The following PIEZO2 variants were observed in gnomAD, a reference collection of about 807,000 sequenced individuals.
The protein encoded by PIEZO2 is piezo type mechanosensitive ion channel component 2.
Under a neutral mutation model 337.3 loss-of-function variants are expected in PIEZO2, and 172 were observed. The observed-to-expected ratio is 0.51, with a 90% CI of 0.45 to 0.58. The LOEUF (loss-of-function observed/expected upper bound fraction) is 0.58. Ranked by LOEUF, PIEZO2 falls within the 20% of genes least tolerant of loss-of-function variation. PIEZO2 has a pLI of 0.00. For missense variants in PIEZO2, 3,028 were observed against 3,391.3 expected, an observed-to-expected ratio of 0.89 and a Z score of 2.66; for synonymous variants, 1,251 against 1,228.5, an observed-to-expected ratio of 1.02 and a Z score of -0.38.
In PIEZO2 at chr18:11,096,181, G is replaced by T. The variant is rs955587567; in HGVS notation, c.65-29959C>A. Among the ~76,000 whole-genome samples, 2 of 152,222 alleles carry T rather than the reference G, an allele frequency of 1.3e-5. No homozygotes were observed. Among genetic ancestry groups the T allele is most frequent in the Non-Finnish European group, 2.9e-5 (2 of 68,026 alleles). ...GCTGAGACACCGCCAGCCTGGCTGT[G>T]GGGTGTGGCCACCTAGAGCCCTGGG... On this transcript the variant is annotated intron_variant, in intron 1 of 55. Transcript: ENST00000674853. The surrounding 1 kb of genome is among the most constrained non-coding windows in gnomAD (Gnocchi z 4.6).
chr18:10,959,104 A>G (rs1397991270), intron 3 of PIEZO2, among the ~76,000 whole-genome samples: 1 of 152,196 alleles, frequency 6.6e-6, no homozygotes, highest in Non-Finnish European at 1.5e-5. Context: ...ATTCAGTCTT[A>G]CAACTGAAAT....
Position 10,871,280 on chromosome 18 carries a change from ACT to A in PIEZO2, c.463_464del (p.Ser155Ter). ...QKPVTDEAAQ[S>X]NPEFENEELA... The stretch of plus-strand genomic sequence containing the variant: ...ATTCTTCATTTTCAAACTCCGGGTT[ACT>A]CTGTGCTGCTTCGTCTGTCACAGGT... On this transcript the variant is annotated frameshift_variant, in exon 5 of 56. Coordinates refer to ENST00000674853, the MANE Select transcript of PIEZO2 (RefSeq NM_001378183.1). LOFTEE classifies it high-confidence loss of function. The A allele has an allele frequency of 6.5e-7, 1 of 1,537,038 alleles. No individual in the cohort carries two copies. Among genetic ancestry groups the A allele is most frequent in the Non-Finnish European group, 8.7e-7 (1 of 1,146,816 alleles).
At chr18:11,026,474 T>A (rs1478920729) in intron 2 of PIEZO2, among the ~76,000 whole-genome samples, 1 of 152,124 alleles carries the variant, frequency 6.6e-6, no homozygotes, top group Non-Finnish European at 1.5e-5. Context: ...CCTCTTCTCA[T>A]CCACGTCTCC....
chr18:10,912,209 T>C (rs1274956642), intron 3 of PIEZO2, among the ~76,000 whole-genome samples: 2 of 152,170 alleles, frequency 1.3e-5, no homozygotes, highest in South Asian at 2.1e-4. Context: ...TTCTTCCCTA[T>C]GTCACAGGCA....
intron 4 of PIEZO2, among the ~76,000 whole-genome samples, chr18:10,887,337 G>A (rs2042636755): frequency 6.6e-6 from 1 of 151,590 alleles, no homozygotes; most frequent in Admixed American, 6.6e-5. Context: ...CCAAAGTTCT[G>A]GGATTACAGG....
Position 10,828,064 on chromosome 18 carries a change from C to G in PIEZO2, c.918-20790G>C, listed in dbSNP as rs1275292358. On this transcript the variant is annotated intron_variant, in intron 7 of 55. Coordinates refer to ENST00000674853, the MANE Select transcript of PIEZO2 (RefSeq NM_001378183.1). This position sits in a 1 kb window ranked among gnomAD's most constrained non-coding sequence, Gnocchi z 4.1. Reference sequence around the variant, plus strand: ...ATAAACATATAAACTATTGCAACCCCAAGGCAAACTTAGCATTCAATAAAC... The same window carrying G: ...ATAAACATATAAACTATTGCAACCCGAAGGCAAACTTAGCATTCAATAAAC... 6.6e-6 allele frequency among the ~76,000 whole-genome samples: 1 copy of G among 151,482 alleles called. No homozygotes were observed. The highest frequency in any genetic ancestry group is 1.5e-5 in the Non-Finnish European group (1 of 67,924).
chr18:10,882,842 C>CTT (rs35740624), intron 4 of PIEZO2, among the ~76,000 whole-genome samples: 6,586 of 128,132 alleles, frequency 0.051, 353 homozygotes, highest in Middle Eastern at 0.11. Flanking sequence ...TTCTTTTTTT[C>CTT]TTTTTTTTTT....
Position 11,003,386 on chromosome 18 carries a change from T to C in PIEZO2, c.161-23726A>G, listed in dbSNP as rs1372390483. Among the ~76,000 whole-genome samples, 2 of 152,172 alleles carry C rather than the reference T, an allele frequency of 1.3e-5. No individual in the cohort carries two copies. Among genetic ancestry groups the C allele is most frequent in the African/African-American group, 2.4e-5 (1 of 41,420 alleles). Reference sequence around the variant, plus strand: ...ATGTATAGCAAAAACAATTAAACCATAGTCGAGTTGATCTAAAGAAGAGTT... The same window carrying C: ...ATGTATAGCAAAAACAATTAAACCACAGTCGAGTTGATCTAAAGAAGAGTT... On this transcript the variant is annotated intron_variant, in intron 2 of 55. Transcript: ENST00000674853. The surrounding 1 kb of genome is among the most constrained non-coding windows in gnomAD (Gnocchi z 4.6).
intron 1 of PIEZO2, among the ~76,000 whole-genome samples, chr18:11,144,210 A>AGACGGCAT (rs535553542): frequency 2.3e-4 from 35 of 152,364 alleles, no homozygotes; most frequent in Non-Finnish European, 4.7e-4. Context: ...ACAGCTCAGG[A>AGACGGCAT]GACAACATGC....
At chr18:10,986,979 T>A (rs1598786720) in intron 2 of PIEZO2, among the ~76,000 whole-genome samples, 1 of 151,914 alleles carries the variant, frequency 6.6e-6, no homozygotes, top group African/African-American at 2.4e-5. Flanking sequence ...AAAGAACAAA[T>A]ACTTAGGTGT....
At chr18:11,068,713 A>G (rs144624059) in intron 1 of PIEZO2, among the ~76,000 whole-genome samples, 1,706 of 152,280 alleles carry the variant, frequency 0.011, 32 homozygotes, top group African/African-American at 0.039. Context: ...CAGACAATAG[A>G]AAACCAATAG....
chr18:10,712,406 A>ATTCAGT (rs2035856787), intron 39 of PIEZO2, among the ~76,000 whole-genome samples: 1 of 152,254 alleles, frequency 6.6e-6, no homozygotes, highest in Non-Finnish European at 1.5e-5. Flanking sequence ...AGAGAGAATG[A>ATTCAGT]TTCAGTTTAA....
chr18:10,780,426 G>A (rs867918978), intron 17 of PIEZO2, 60 bp from the exon 18 acceptor site: 1 of 702,552 alleles, frequency 1.4e-6, no homozygotes, highest in South Asian at 1.5e-5. Flanking sequence ...GAGAGAAAGA[G>A]AGGAGACTGT....
At chr18:11,004,695 C>T (rs184673346) in intron 2 of PIEZO2, among the ~76,000 whole-genome samples, 2 of 152,308 alleles carry the variant, frequency 1.3e-5, no homozygotes, top group African/African-American at 4.8e-5. Flanking sequence ...GATCTCCTTG[C>T]TGAGAACTTC....
At chr18:11,100,846 T>C (rs527730071) in intron 1 of PIEZO2, among the ~76,000 whole-genome samples, 51 of 152,190 alleles carry the variant, frequency 3.4e-4, no homozygotes, top group Admixed American at 1.4e-3. Context: ...CCGCCCACCT[T>C]GGCCTCCCAA....
intron 42 of PIEZO2, among the ~76,000 whole-genome samples, chr18:10,704,042 G>A (rs1020542150): frequency 3.3e-5 from 5 of 152,130 alleles, no homozygotes; most frequent in Non-Finnish European, 5.9e-5. Flanking sequence ...GATTAATATC[G>A]TAGGTTAGGC....
rs1173837184 is a variant in PIEZO2, at chr18:10,830,049, T to C, written c.918-22775A>G. Among the ~76,000 whole-genome samples, 2 of 151,966 alleles carry C rather than the reference T, an allele frequency of 1.3e-5. No individual in the cohort carries two copies. The highest frequency in any genetic ancestry group is 2.9e-5 in the Non-Finnish European group (2 of 68,010). ...CACATTACCTCACTTCGAATTATAC[T>C]ACAGAGCTCTAGTAACCAAAACAGT... On this transcript the variant is annotated intron_variant, in intron 7 of 55. Coordinates refer to ENST00000674853, the MANE Select transcript of PIEZO2 (RefSeq NM_001378183.1). This position sits in a 1 kb window ranked among gnomAD's most constrained non-coding sequence, Gnocchi z 4.7.
At chr18:10,972,872 G>A (rs2145446220) in intron 3 of PIEZO2, among the ~76,000 whole-genome samples, 1 of 152,246 alleles carries the variant, frequency 6.6e-6, no homozygotes, top group East Asian at 1.9e-4. Flanking sequence ...CTTACAATGG[G>A]TCAAGCACAG....
intron 3 of PIEZO2, among the ~76,000 whole-genome samples, chr18:10,924,584 A>G (rs1441493188): frequency 6.6e-6 from 1 of 152,242 alleles, no homozygotes; most frequent in African/African-American, 2.4e-5. Context: ...TGAGAAAAGT[A>G]GCACATGCAA....
Sources: gnomAD v4.1 joint callset for allele counts (sites outside exome capture counted in the v4.1 genomes callset) on GRCh38, gnomAD v4.1.1 for gene constraint, Gnocchi (gnomAD v3.1) non-coding constraint, MANE v1.5 for transcripts, NCBI Gene and HGNC (gene_info 2026-07-23, HGNC 2026-07-21) for gene names.